The following COL4A2 variants were observed in gnomAD, a reference collection of about 807,000 sequenced individuals.
The protein encoded by COL4A2 is collagen type IV alpha 2 chain, also known as collagen alpha-2(IV) chain.
COL4A2 carries 99 observed loss-of-function variants against 200.2 expected under a neutral mutation model. The ratio of observed to expected loss-of-function variants is 0.49; its 90% CI spans 0.42 to 0.58. The LOEUF is 0.58. COL4A2 is among the 20% of genes least tolerant of loss of function. The probability of loss-of-function intolerance (pLI) is 0.00; values close to 1 mark genes in which losing one functional copy is unlikely to be tolerated. For synonymous variants in COL4A2, 897 were observed against 900.6 expected (o/e 1.00, Z 0.07); for missense variants, 1,950 against 2,314.1 (o/e 0.84, Z 3.23).
At chr13:110,381,146 TGGGCTCTATCTCACATCCAC>T (rs1314771698) in intron 4 of COL4A2, among the ~76,000 whole-genome samples, 3 of 141,046 alleles carry the variant, frequency 2.1e-5, no homozygotes, top group Non-Finnish European at 4.6e-5. Context: ...CTCACACCCA[TGGGCTCTATCTCACATCCAC>T]GGGCTCTATC....
chr13:110,484,659 C>A (rs2139527869), intron 32 of COL4A2, among the ~76,000 whole-genome samples: 1 of 152,314 alleles, frequency 6.6e-6, no homozygotes, highest in African/African-American at 2.4e-5. Flanking sequence ...CTGGCAGGCA[C>A]GTCCCCCTAC....
chr13:110,364,446 T>C (rs1379377810), intron 4 of COL4A2, among the ~76,000 whole-genome samples: 1 of 152,126 alleles, frequency 6.6e-6, no homozygotes, highest in East Asian at 1.9e-4. Flanking sequence ...ATCATATGGG[T>C]GGGATGGCGA....
chr13:110,410,952 C>T (rs750426076), intron 4 of COL4A2, among the ~76,000 whole-genome samples: 128 of 152,264 alleles, frequency 8.4e-4, no homozygotes, highest in Non-Finnish European at 1.6e-3. Context: ...TAAATCACTT[C>T]GGTTTGTTCA....
At chr13:110,504,851 G>T (rs113532926) in intron 45 of COL4A2, among the ~76,000 whole-genome samples, 1 of 151,858 alleles carries the variant, frequency 6.6e-6, no homozygotes, top group African/African-American at 2.4e-5. Context: ...CGAGCGATCC[G>T]CCAGCCTTGG....
intron 4 of COL4A2, among the ~76,000 whole-genome samples, chr13:110,388,857 G>T (rs1033542577): frequency 3.9e-5 from 6 of 152,198 alleles, no homozygotes; most frequent in African/African-American, 1.2e-4. Context: ...TTCCTCGTGT[G>T]ATCCCACAGG....
chr13:110,464,777 G>C (rs1162530224), intron 24 of COL4A2, among the ~76,000 whole-genome samples: 1 of 152,120 alleles, frequency 6.6e-6, no homozygotes, highest in African/African-American at 2.4e-5. Flanking sequence ...GGACAGCACC[G>C]AGCCGTGCCG....
chr13:110,430,376 C>G, intron 8 of COL4A2, 25 bp from the exon 9 acceptor site: 2 of 1,606,302 alleles, frequency 1.2e-6, no homozygotes, highest in Non-Finnish European at 1.7e-6. Flanking sequence ...AGCTATCACT[C>G]TTAAAATTAT....
chr13:110,408,724 T>C (rs1186702089), intron 4 of COL4A2, among the ~76,000 whole-genome samples: 1 of 151,920 alleles, frequency 6.6e-6, no homozygotes, highest in Non-Finnish European at 1.5e-5. Flanking sequence ...GAACAGCACA[T>C]TCACAGTGAG....
Position 110,449,744 on chromosome 13 carries a change from G to A in COL4A2, c.1144G>A (p.Asp382Asn). 1 of 1,549,420 alleles carries A rather than the reference G, an allele frequency of 6.5e-7. No homozygotes were observed. Among genetic ancestry groups the A allele is most frequent in the Non-Finnish European group, 8.7e-7 (1 of 1,146,692 alleles). ...GEPGSQGEPGDPGLPGPPGLS... is the reference protein window; with the variant it reads ...GEPGSQGEPGNPGLPGPPGLS... ...GCCAGGAAGCCAGGGTGAGCCAGGA[G>A]ACCCGGGCCTCCCAGGTCCCCCTGG... Residue 382 changes from aspartate to asparagine, a missense_variant, in exon 19 of 48, where the codon GAC becomes AAC. Physicochemically the swap from Asp to Asn is conservative, Grantham distance 23. Around this residue, in one of 2 missense-constraint regions of COL4A2, gnomAD observed 565 missense variants for 593.5 expected, o/e 0.95. Coordinates refer to ENST00000360467, the MANE Select transcript of COL4A2 (RefSeq NM_001846.4).
At chr13:110,465,961 G>A (rs746233374) in intron 25 of COL4A2, 42 bp from the exon 26 acceptor site, 2 of 1,603,226 alleles carry the variant, frequency 1.2e-6, no homozygotes, top group Non-Finnish European at 8.5e-7. Flanking sequence ...ACTCTTATCT[G>A]TTTCAAAATT....
intron 16 of COL4A2, 152 bp downstream of exon 16, chr13:110,439,985 GC>G: frequency 8.1e-7 from 1 of 1,234,776 alleles, no homozygotes; most frequent in South Asian, 1.6e-5. Context: ...AGATAATCCT[GC>G]CTCACAATAC....
At chr13:110,438,551 C>T (rs753513596) in intron 14 of COL4A2, 67 bp from the exon 15 acceptor site, 10 of 1,583,908 alleles carry the variant, frequency 6.3e-6, no homozygotes, top group Non-Finnish European at 7.8e-6. Flanking sequence ...GAGGATGACA[C>T]GTGGGCCCTG....
rs993582594 is a variant in COL4A2 at position 110,345,595 on chromosome 13, C to T, written c.100-11877C>T. 1.4e-4 allele frequency among the ~76,000 whole-genome samples: 22 copies of T among 152,278 alleles called. No homozygotes were observed. In the South Asian group the frequency reaches 2.7e-3, roughly 19 times the overall value. On this transcript the variant is annotated intron_variant, in intron 3 of 47. Transcript: ENST00000360467. ...CATTGATGCACATCTCGTCCTCACC[C>T]GTTCTTTTTAACCTGATATGGGCTC...
chr13:110,336,292 A>G (rs1876184606), intron 3 of COL4A2, among the ~76,000 whole-genome samples: 1 of 152,240 alleles, frequency 6.6e-6, no homozygotes, highest in Non-Finnish European at 1.5e-5. Flanking sequence ...GGGAATCATA[A>G]TGGCGCTGCA....
At chr13:110,442,747 G>C (rs1193579378) in intron 16 of COL4A2, among the ~76,000 whole-genome samples, 1 of 140,740 alleles carries the variant, frequency 7.1e-6, no homozygotes, top group African/African-American at 2.6e-5. Flanking sequence ...AGATGGTTTC[G>C]TCTCCTCTTT....
Position 110,472,178 on chromosome 13 carries a change from C to T in COL4A2, c.2204-751C>T, listed in dbSNP as rs926848376. 1.4e-4 allele frequency among the ~76,000 whole-genome samples: 21 copies of T among 145,012 alleles called. No homozygotes were observed. The South Asian group carries it at 1.5e-3, about 10-fold the overall frequency. On this transcript the variant is annotated intron_variant, in intron 28 of 47. Coordinates refer to ENST00000360467, the MANE Select transcript of COL4A2 (RefSeq NM_001846.4). ...TCGCCCAGGCTGGAGTGCAGTGGTG[C>T]GATCTTGGCTCACTGCAAGCTCCGC...
chr13:110,362,501 T>C (rs989475690), intron 4 of COL4A2, among the ~76,000 whole-genome samples: 3 of 147,786 alleles, frequency 2.0e-5, no homozygotes, highest in Non-Finnish European at 4.5e-5. Context: ...TTTTTTTTTT[T>C]GTGGAGATGG....
At chr13:110,454,917 C>G (rs917661360) in intron 20 of COL4A2, among the ~76,000 whole-genome samples, 7 of 152,136 alleles carry the variant, frequency 4.6e-5, no homozygotes, top group African/African-American at 1.7e-4. Context: ...CCGTCCCCAC[C>G]CCCTGCCACC....
At chr13:110,417,813 C>T (rs1180527387) in intron 4 of COL4A2, among the ~76,000 whole-genome samples, 1 of 151,712 alleles carries the variant, frequency 6.6e-6, no homozygotes, top group African/African-American at 2.4e-5. Context: ...TTTTTATTGC[C>T]AAATAGCAAT....
Sources: allele counts gnomAD v4.1 joint callset (sites outside exome capture counted in the v4.1 genomes callset), GRCh38; gene constraint gnomAD v4.1.1; regional missense constraint gnomAD v4.1.1; transcripts MANE v1.5; gene names NCBI Gene and HGNC (gene_info 2026-07-23, HGNC 2026-07-21).